SLC38A6: variants seen among roughly 807,000 people sequenced by gnomAD.
SLC38A6 encodes solute carrier family 38 member 6.
In SLC38A6, 73 loss-of-function variants were observed where a neutral mutation model predicts 65.0. The observed-to-expected ratio is 1.12, with a 90% CI of 0.93 to 1.37. SLC38A6 has a LOEUF of 1.37. Ranked by LOEUF, SLC38A6 falls within the 40% of genes most tolerant of loss-of-function variation. The pLI is 0.00. For missense variants in SLC38A6, 561 were observed against 531.1 expected (o/e 1.06, Z -0.55); for synonymous variants, 183 against 178.8 (o/e 1.02, Z -0.19).
chr14:61,041,958 C>T (rs546593548), intron 8 of SLC38A6, among the ~76,000 whole-genome samples: 8 of 150,812 alleles, frequency 5.3e-5, no homozygotes, highest in South Asian at 4.2e-4. Context: ...TCATCCTCAT[C>T]GTTTTTTTTT....
chr14:60,991,641 CCA>C (rs1229037773), intron 3 of SLC38A6, among the ~76,000 whole-genome samples: 1 of 152,128 alleles, frequency 6.6e-6, no homozygotes, highest in Non-Finnish European at 1.5e-5. Flanking sequence ...GTTTCTTCCC[CCA>C]GTTTCCCACA....
intron 5 of SLC38A6, among the ~76,000 whole-genome samples, chr14:61,023,386 C>T (rs936863808): frequency 7.9e-5 from 12 of 152,016 alleles, no homozygotes; most frequent in African/African-American, 2.2e-4. Flanking sequence ...GCCTGGGCAA[C>T]ATGGTGAAAC....
chr14:60,984,932 T>C, intron 3 of SLC38A6, 129 bp downstream of exon 3: 1 of 872,856 alleles, frequency 1.1e-6, no homozygotes, highest in Non-Finnish European at 1.8e-6. Flanking sequence ...GTGATCGGAA[T>C]GGAGAATTTG....
At chr14:61,074,692 TCCC>T (rs2043339556) in intron 15 of SLC38A6, among the ~76,000 whole-genome samples, 1 of 34,758 alleles carries the variant, frequency 2.9e-5, no homozygotes, top group Non-Finnish European at 7.5e-5. Context: ...CCTCCCTCCC[TCCC>T]TCCCTCCCTC....
At position 61,066,683 on chromosome 14, in the gene SLC38A6, CT is replaced by C. The variant is rs1195862380; in HGVS notation, c.1291-12126del. ...ATCAAAATCCATGCACATTCAAGTCCTGCTGCAGAACCACATATACAAAATA... is the reference window on the plus strand; with the variant it reads ...ATCAAAATCCATGCACATTCAAGTCCGCTGCAGAACCACATATACAAAATA... On this transcript the variant is annotated intron_variant, in intron 15 of 16. Coordinates refer to the SLC38A6 transcript ENST00000354886. Among the ~76,000 whole-genome samples, 4 of 152,296 alleles carry C rather than the reference CT, an allele frequency of 2.6e-5. No homozygotes were observed. In the East Asian group the frequency reaches 7.7e-4, roughly 29 times the overall value.
chr14:61,041,101 AGAAG>A (rs1183592443), intron 8 of SLC38A6, among the ~76,000 whole-genome samples: 2 of 152,204 alleles, frequency 1.3e-5, no homozygotes, highest in East Asian at 1.9e-4. Context: ...TAGAGCAGAG[AGAAG>A]GAAGGGAGGC....
chr14:61,079,558 A>G (rs920538635), intron 16 of SLC38A6, among the ~76,000 whole-genome samples: 2 of 152,154 alleles, frequency 1.3e-5, no homozygotes, highest in Non-Finnish European at 2.9e-5. Flanking sequence ...TTACCTGACT[A>G]TGACTTAATG....
Position 60,981,421 on chromosome 14 carries a change from C to T in SLC38A6, c.105+39C>T, listed in dbSNP as rs1387812632. 1.9e-6 allele frequency: 3 copies of T among 1,555,336 alleles called. No individual in the cohort carries two copies. The African/African-American group carries it at 4.1e-5, about 21-fold the overall frequency. ...GTTCGCTTCCCCGCGCTGACGCCCT[C>T]CGGCTTCCCTCAAGTGCCTGCCAAA... On this transcript the variant is annotated intron_variant, in intron 1 of 15. Coordinates refer to ENST00000267488, the MANE Select transcript of SLC38A6 (RefSeq NM_153811.3).
intron 3 of SLC38A6, among the ~76,000 whole-genome samples, chr14:60,986,317 A>G (rs1028517835): frequency 6.6e-6 from 1 of 152,236 alleles, no homozygotes; most frequent in African/African-American, 2.4e-5. Context: ...GGTGAGACTC[A>G]AGAATATGTT....
At chr14:61,061,127 C>T (rs371558258) in intron 15 of SLC38A6, among the ~76,000 whole-genome samples, 13 of 152,112 alleles carry the variant, frequency 8.5e-5, no homozygotes, top group African/African-American at 2.2e-4. Flanking sequence ...TGTTCCTATT[C>T]GGCCATCTTG....
In SLC38A6 at chr14:61,036,360, G is replaced by A. The variant is rs181914184; in HGVS notation, c.483-699G>A. Among the ~76,000 whole-genome samples, 168 of 151,462 alleles carry A rather than the reference G, an allele frequency of 1.1e-3. 3 individuals are homozygous for A. In the Middle Eastern group the frequency reaches 0.017, roughly 15 times the overall value. ...CTTCAGGAACAGAAAACCAAACACC[G>A]CATGTTCTCACTCGTAAGTGAGAGT... On this transcript the variant is annotated intron_variant, in intron 6 of 15. Coordinates refer to ENST00000267488, the MANE Select transcript of SLC38A6 (RefSeq NM_153811.3).
At chr14:60,988,198 A>G (rs2037595380) in intron 3 of SLC38A6, among the ~76,000 whole-genome samples, 1 of 152,132 alleles carries the variant, frequency 6.6e-6, no homozygotes. Context: ...TATGTCTCTC[A>G]TACTAATTTG....
chr14:61,017,854 C>T (rs2040110517), intron 4 of SLC38A6, among the ~76,000 whole-genome samples: 1 of 152,154 alleles, frequency 6.6e-6, no homozygotes, highest in Non-Finnish European at 1.5e-5. Context: ...TAAATTTTCT[C>T]CACACTTCCA....
At chr14:61,012,583 G>C (rs968493127) in intron 3 of SLC38A6, among the ~76,000 whole-genome samples, 1 of 152,142 alleles carries the variant, frequency 6.6e-6, no homozygotes, top group African/African-American at 2.4e-5. Flanking sequence ...GGTATGTTGT[G>C]TCTTTGTTCT....
intron 12 of SLC38A6, 56 bp downstream of exon 12, chr14:61,046,223 C>A: frequency 3.5e-6 from 4 of 1,149,398 alleles, no homozygotes; most frequent in African/African-American, 1.5e-5. Context: ...GATGGCCTCA[C>A]GCCAATCTAT....
chr14:61,018,294 C>T (rs989989740), intron 4 of SLC38A6, among the ~76,000 whole-genome samples: 1 of 152,162 alleles, frequency 6.6e-6, no homozygotes, highest in Non-Finnish European at 1.5e-5. Flanking sequence ...AGTCTTTTCA[C>T]AAATAACTTC....
rs568488261 is a variant in SLC38A6, at chr14:61,030,259, T to C, written c.404-186T>C. ...AATTGTTATTCTTCTCTACAGTTAC[T>C]TTTCTGTGTGTGTGTGTGTGTGTGT... On this transcript the variant is annotated intron_variant, in intron 5 of 15. Transcript: ENST00000267488. Among the ~76,000 whole-genome samples, 159 of 116,296 alleles carry C rather than the reference T, an allele frequency of 1.4e-3. No individual in the cohort carries two copies. The East Asian group carries it at 0.029, about 21-fold the overall frequency. 76.3% of individuals were successfully genotyped at this position (116,296 alleles called of 152,430 possible). A position where few individuals can be genotyped will look rare whatever the true frequency, so the allele number is the denominator to read the frequency against.
intron 8 of SLC38A6, among the ~76,000 whole-genome samples, chr14:61,041,477 T>G (rs2041810534): frequency 6.6e-6 from 1 of 152,226 alleles, no homozygotes; most frequent in South Asian, 2.1e-4. Flanking sequence ...ATTTGAAAGC[T>G]TAAGAAATAA....
chr14:61,024,242 A>G (rs1306235146), intron 5 of SLC38A6, among the ~76,000 whole-genome samples: 4 of 152,214 alleles, frequency 2.6e-5, no homozygotes, highest in Non-Finnish European at 4.4e-5. Flanking sequence ...AAAAAAATGC[A>G]ACACACTAGA....
Sources: gnomAD v4.1 joint callset for allele counts (sites outside exome capture counted in the v4.1 genomes callset) on GRCh38, gnomAD v4.1.1 for gene constraint, MANE v1.5 for transcripts, NCBI Gene and HGNC (gene_info 2026-07-23, HGNC 2026-07-21) for gene names.